Variants in SDK1 observed in about 807,000 individuals in gnomAD.
The protein encoded by SDK1 is protein sidekick-1.
A neutral mutation model predicts 245.5 loss-of-function variants in SDK1; 157 were observed. The observed-to-expected ratio is 0.64, with a 90% CI of 0.56 to 0.73. SDK1 has a LOEUF of 0.73. Ranked by LOEUF, SDK1 falls within the 30% of genes least tolerant of loss-of-function variation. SDK1 has a pLI of 0.00. For synonymous variants in SDK1, 1,647 were observed against 1,278.5 expected (o/e 1.29, Z -6.15); for missense variants, 3,583 against 3,002.3 (o/e 1.19, Z -4.52).
chr7:3,833,699 A>C (rs1779965898), intron 5 of SDK1, among the ~76,000 whole-genome samples: 1 of 152,238 alleles, frequency 6.6e-6, no homozygotes, highest in African/African-American at 2.4e-5. Context: ...AACTGAGAAA[A>C]TGCCACATGC....
intron 35 of SDK1, among the ~76,000 whole-genome samples, chr7:4,189,849 G>A (rs1237864601): frequency 6.6e-6 from 1 of 152,210 alleles, no homozygotes; most frequent in Non-Finnish European, 1.5e-5. Flanking sequence ...TGTTCCTGGT[G>A]TACATGTGGC....
At chr7:4,025,327 T>A (rs77370520) in intron 17 of SDK1, among the ~76,000 whole-genome samples, 5,368 of 152,312 alleles carry the variant, frequency 0.035, 144 homozygotes, top group Middle Eastern at 0.071. Context: ...AAGCCTGTCT[T>A]ATCCTTTCAA....
chr7:4,268,513 C>A lies in SDK1; in HGVS notation c.*3129C>A. 8.3e-7 allele frequency: 1 copy of A among 1,206,464 alleles called. No individual in the cohort carries two copies. The highest frequency in any genetic ancestry group is 1.1e-6 in the Non-Finnish European group (1 of 944,430). 74.7% of individuals were successfully genotyped at this position (1,206,464 alleles called of 1,614,324 possible). ...CGAGGGGCCCCAGGGAGAGGGGACCCAGATGGCCACACACGGAACGCGCCT... is the reference window on the plus strand; with the variant it reads ...CGAGGGGCCCCAGGGAGAGGGGACCAAGATGGCCACACACGGAACGCGCCT... On this transcript the variant is annotated 3_prime_UTR_variant, in exon 45 of 45. Transcript: ENST00000404826.
chr7:3,458,723 C>G (rs565430222), intron 1 of SDK1, among the ~76,000 whole-genome samples: 1 of 152,056 alleles, frequency 6.6e-6, no homozygotes, highest in African/African-American at 2.4e-5. Context: ...ACATAATCAT[C>G]CTTTCTCCAG....
chr7:3,334,686 G>A (rs756348131), intron 1 of SDK1, among the ~76,000 whole-genome samples: 8 of 152,162 alleles, frequency 5.3e-5, no homozygotes, highest in Admixed American at 2.6e-4. Flanking sequence ...TGTTCCCTTC[G>A]TTGAATCTTC....
At chr7:4,045,886 G>T (rs1034026061) in intron 17 of SDK1, among the ~76,000 whole-genome samples, 1 of 152,008 alleles carries the variant, frequency 6.6e-6, no homozygotes, top group East Asian at 1.9e-4. Flanking sequence ...TTCTTTTTGC[G>T]TACATTTTTG....
At chr7:4,190,291 C>G (rs1783119152) in intron 35 of SDK1, among the ~76,000 whole-genome samples, 1 of 152,214 alleles carries the variant, frequency 6.6e-6, no homozygotes, top group Non-Finnish European at 1.5e-5. Context: ...GCCACAGTCT[C>G]TCCAACTGAT....
At chr7:4,062,334 A>G (rs988463131) in intron 19 of SDK1, among the ~76,000 whole-genome samples, 7 of 152,132 alleles carry the variant, frequency 4.6e-5, no homozygotes, top group African/African-American at 1.2e-4. Flanking sequence ...ACTAACAACT[A>G]TACACTAACA....
intron 19 of SDK1, among the ~76,000 whole-genome samples, chr7:4,056,046 G>A (rs760374023): frequency 6.6e-6 from 1 of 151,964 alleles, no homozygotes; most frequent in Non-Finnish European, 1.5e-5. Context: ...AATGGCCTAG[G>A]ATATGGTCAA....
intron 1 of SDK1, among the ~76,000 whole-genome samples, chr7:3,549,060 C>T (rs531688277): frequency 6.6e-6 from 1 of 152,358 alleles, no homozygotes; most frequent in South Asian, 2.1e-4. Context: ...GAAGAACCTG[C>T]TCTTACATGA....
chr7:3,363,596 G>A (rs776067679), intron 1 of SDK1, among the ~76,000 whole-genome samples: 3 of 152,192 alleles, frequency 2.0e-5, no homozygotes, highest in African/African-American at 4.8e-5. Context: ...TGGACCAAGG[G>A]TGGGAGGTGG....
chr7:3,857,772 A>G (rs1421683524), intron 5 of SDK1, among the ~76,000 whole-genome samples: 2 of 152,216 alleles, frequency 1.3e-5, no homozygotes, highest in African/African-American at 4.8e-5. Flanking sequence ...GATAGAAGAT[A>G]GATATGGAAA....
chr7:3,930,635 A>G (rs1378563880), intron 5 of SDK1, among the ~76,000 whole-genome samples: 2 of 152,146 alleles, frequency 1.3e-5, no homozygotes, highest in Non-Finnish European at 2.9e-5. Flanking sequence ...AGGACAAAAT[A>G]CAAAAAAATT....
intron 4 of SDK1, among the ~76,000 whole-genome samples, chr7:3,677,889 A>C (rs891903553): frequency 2.6e-5 from 4 of 152,186 alleles, no homozygotes; most frequent in African/African-American, 9.7e-5. Context: ...AACTCCATAG[A>C]ATCTGATCAG....
intron 5 of SDK1, among the ~76,000 whole-genome samples, chr7:3,847,235 C>T (rs1410651902): frequency 6.6e-6 from 1 of 152,096 alleles, no homozygotes; most frequent in Admixed American, 6.5e-5. Flanking sequence ...CCATGGACTC[C>T]TCGATGTACC....
At chr7:3,460,498 T>G (rs904843492) in intron 1 of SDK1, among the ~76,000 whole-genome samples, 6 of 152,190 alleles carry the variant, frequency 3.9e-5, no homozygotes, top group African/African-American at 1.4e-4. Context: ...AATTTAGAAA[T>G]GTACTTTTAG....
intron 35 of SDK1, among the ~76,000 whole-genome samples, chr7:4,186,466 T>G (rs564532181): frequency 5.1e-4 from 78 of 152,298 alleles, no homozygotes; most frequent in African/African-American, 1.7e-3. Flanking sequence ...AGGTGCTGTG[T>G]CCCCACATAG....
rs115289433 is a variant in SDK1, at chr7:3,661,651, G to C, written c.713+19546G>C. 3.3e-3 allele frequency among the ~76,000 whole-genome samples: 508 copies of C among 152,222 alleles called. 3 individuals are homozygous for C. Among genetic ancestry groups the C allele is most frequent in the African/African-American group, 0.012 (481 of 41,532 alleles). ...CTTAGTGTGAAATGCCCTCGGTTTA[G>C]CATTTTCCATTATTTTGCTGTTTTT... On this transcript the variant is annotated intron_variant, in intron 4 of 44. Coordinates refer to ENST00000404826, the MANE Select transcript of SDK1 (RefSeq NM_152744.4).
chr7:3,332,200 T>C (rs1453306980), intron 1 of SDK1, among the ~76,000 whole-genome samples: 1 of 152,206 alleles, frequency 6.6e-6, no homozygotes, highest in African/African-American at 2.4e-5. Flanking sequence ...TGGAAAACTT[T>C]AAAAAATTTC....
Sources: gnomAD v4.1 joint callset for allele counts (sites outside exome capture counted in the v4.1 genomes callset) on GRCh38, gnomAD v4.1.1 for gene constraint, MANE v1.5 for transcripts, NCBI Gene and HGNC (gene_info 2026-07-23, HGNC 2026-07-21) for gene names.